CLSTN2: variants seen among roughly 807,000 people sequenced by gnomAD.
The protein encoded by CLSTN2 is calsyntenin 2.
A neutral mutation model predicts 101.2 loss-of-function variants in CLSTN2; 48 were observed. The ratio of observed to expected loss-of-function variants is 0.47; its 90% CI spans 0.38 to 0.60. The LOEUF (loss-of-function observed/expected upper bound fraction) is 0.60, where lower values mean the gene tolerates loss of function less well. CLSTN2 is among the 20% of genes least tolerant of loss of function. The pLI is 0.00. For synonymous variants in CLSTN2, 481 were observed against 463.6 expected, an observed-to-expected ratio of 1.04 and a Z score of -0.48; for missense variants, 1,160 against 1,238.2, an observed-to-expected ratio of 0.94 and a Z score of 0.95.
At chr3:140,402,078 A>T (rs1189914907) in intron 2 of CLSTN2, among the ~76,000 whole-genome samples, 1 of 152,200 alleles carries the variant, frequency 6.6e-6, no homozygotes, top group Non-Finnish European at 1.5e-5. Context: ...TTAATAATGA[A>T]ATTGAGGATC....
rs2088145403 is a variant in CLSTN2 at position 140,393,593 on chromosome 3, A to G, written c.233-10036A>G. Among the ~76,000 whole-genome samples the G allele has an allele frequency of 2.0e-5, 3 of 152,292 alleles. No homozygotes were observed. In the South Asian group the frequency reaches 6.2e-4, roughly 32 times the overall value. ...ATCGGACATGGTAAACGGCCATTATATTTGTATGGGACTTCTTTAACTCTC... is the reference window on the plus strand; with the variant it reads ...ATCGGACATGGTAAACGGCCATTATGTTTGTATGGGACTTCTTTAACTCTC... On this transcript the variant is annotated intron_variant, in intron 2 of 16. Transcript: ENST00000458420.
At chr3:140,364,377 C>T (rs2087761805) in intron 2 of CLSTN2, among the ~76,000 whole-genome samples, 1 of 152,150 alleles carries the variant, frequency 6.6e-6, no homozygotes, top group Non-Finnish European at 1.5e-5. Context: ...GTTTGAGAAA[C>T]CAACAATTAC....
At chr3:140,317,462 C>T (rs541629389) in intron 2 of CLSTN2, among the ~76,000 whole-genome samples, 1 of 152,206 alleles carries the variant, frequency 6.6e-6, no homozygotes, top group South Asian at 2.1e-4. Context: ...AGCTGCAGTC[C>T]ACTGGAGGAG....
chr3:140,477,611 A>G (rs1010583991), intron 8 of CLSTN2, among the ~76,000 whole-genome samples: 2 of 152,212 alleles, frequency 1.3e-5, no homozygotes, highest in African/African-American at 4.8e-5. Context: ...TCCATGTTAT[A>G]AATACTGAAA....
chr3:140,206,376 GC>G (rs1328578322), intron 2 of CLSTN2, among the ~76,000 whole-genome samples: 1 of 152,208 alleles, frequency 6.6e-6, no homozygotes. Context: ...GAGGGCAGAG[GC>G]CAAGCCAGAG....
intron 11 of CLSTN2, 79 bp from the exon 12 acceptor site, chr3:140,558,561 G>T: frequency 8.5e-7 from 1 of 1,181,168 alleles, no homozygotes; most frequent in Non-Finnish European, 1.2e-6. Context: ...ACTGGAGGTG[G>T]CAACCCCTTG....
chr3:140,378,378 A>G (rs1187054131), intron 2 of CLSTN2, among the ~76,000 whole-genome samples: 2 of 152,238 alleles, frequency 1.3e-5, no homozygotes, highest in East Asian at 3.8e-4. Context: ...TAATATCTAA[A>G]TATGTTTAAT....
intron 5 of CLSTN2, among the ~76,000 whole-genome samples, chr3:140,434,462 G>A (rs970397805): frequency 1.3e-5 from 2 of 152,162 alleles, no homozygotes; most frequent in Non-Finnish European, 2.9e-5. Flanking sequence ...GTGAGGTGAG[G>A]GCAGACAGGT....
At chr3:140,032,262 A>G (rs1418226037) in intron 1 of CLSTN2, among the ~76,000 whole-genome samples, 1 of 150,666 alleles carries the variant, frequency 6.6e-6, no homozygotes, top group African/African-American at 2.4e-5. Flanking sequence ...GAGTCTGCTT[A>G]AAATGTATTC....
At chr3:140,421,073 A>G (rs2088499233) in intron 4 of CLSTN2, 52 bp from the exon 5 acceptor site, 32 of 1,579,924 alleles carry the variant, frequency 2.0e-5, no homozygotes, top group Non-Finnish European at 2.5e-5. Context: ...TGGGAGAAGT[A>G]CAAGTGCAGT....
intron 1 of CLSTN2, among the ~76,000 whole-genome samples, chr3:140,081,704 C>T (rs188523044): frequency 7.9e-5 from 12 of 152,040 alleles, no homozygotes; most frequent in Admixed American, 7.9e-4. Flanking sequence ...ATCATACCAC[C>T]CCTTCTGCAC....
intron 2 of CLSTN2, among the ~76,000 whole-genome samples, chr3:140,319,506 G>T (rs183194544): frequency 6.6e-6 from 1 of 152,216 alleles, no homozygotes; most frequent in Non-Finnish European, 1.5e-5. Flanking sequence ...GTGACAGTGA[G>T]CAAAAGAATG....
intron 1 of CLSTN2, among the ~76,000 whole-genome samples, chr3:140,117,270 T>G (rs2009260720): frequency 6.6e-6 from 1 of 152,166 alleles, no homozygotes; most frequent in Non-Finnish European, 1.5e-5. Flanking sequence ...GAATGTGTCC[T>G]ACACAGCTCA....
chr3:140,413,129 A>G (rs191599958), intron 4 of CLSTN2, among the ~76,000 whole-genome samples: 11 of 152,260 alleles, frequency 7.2e-5, no homozygotes, highest in South Asian at 6.2e-4. Context: ...TAGATAAACT[A>G]ATTGATAAAC....
At chr3:140,234,917 C>A (rs1261602499) in intron 2 of CLSTN2, among the ~76,000 whole-genome samples, 2 of 152,146 alleles carry the variant, frequency 1.3e-5, no homozygotes, top group African/African-American at 4.8e-5. Context: ...CCATCTTCTG[C>A]AGAAGCCACA....
At chr3:140,149,045 C>G (rs2009823244) in intron 1 of CLSTN2, among the ~76,000 whole-genome samples, 2 of 152,186 alleles carry the variant, frequency 1.3e-5, no homozygotes, top group South Asian at 2.1e-4. Flanking sequence ...CTTCAGGGAG[C>G]TGTACTGAGC....
At chr3:140,099,021 A>T (rs2008921719) in intron 1 of CLSTN2, among the ~76,000 whole-genome samples, 1 of 152,130 alleles carries the variant, frequency 6.6e-6, no homozygotes, top group Admixed American at 6.5e-5. Context: ...GAGCCTGGTG[A>T]TGTGCGTGCC....
At chr3:140,464,538 G>A (rs1176049024) in intron 7 of CLSTN2, among the ~76,000 whole-genome samples, 1 of 152,230 alleles carries the variant, frequency 6.6e-6, no homozygotes, top group African/African-American at 2.4e-5. Context: ...CCTGGCATAT[G>A]AGTTGACTCT....
intron 2 of CLSTN2, among the ~76,000 whole-genome samples, chr3:140,219,539 A>G (rs1350648509): frequency 6.6e-6 from 1 of 151,976 alleles, no homozygotes; most frequent in Non-Finnish European, 1.5e-5. Context: ...TGTATTTTTA[A>G]TGTTTTGTGG....
Sources: gnomAD v4.1 joint callset for allele counts (sites outside exome capture counted in the v4.1 genomes callset) on GRCh38, gnomAD v4.1.1 for gene constraint, MANE v1.5 for transcripts, NCBI Gene and HGNC (gene_info 2026-07-23, HGNC 2026-07-21) for gene names.